The following KLHL6 variants were observed in gnomAD, a reference collection of about 807,000 sequenced individuals.
The protein encoded by KLHL6 is kelch like family member 6.
KLHL6 carries 41 observed loss-of-function variants against 58.6 expected under a neutral mutation model. The ratio of observed to expected loss-of-function variants is 0.70; its 90% CI spans 0.55 to 0.91. KLHL6 has a LOEUF of 0.91. KLHL6 is among the 40% of genes least tolerant of loss of function. The probability of loss-of-function intolerance (pLI) is 0.00; values close to 1 mark genes in which losing one functional copy is unlikely to be tolerated. For synonymous variants in KLHL6, 338 were observed against 322.7 expected (o/e 1.05, Z -0.51); for missense variants, 714 against 805.6 (o/e 0.89, Z 1.38).
chr3:183,510,601 G>A (rs533831283), intron 2 of KLHL6, among the ~76,000 whole-genome samples: 34 of 152,164 alleles, frequency 2.2e-4, no homozygotes, highest in African/African-American at 6.3e-4. Context: ...TAGGCCGGGC[G>A]CGGTGGCTCA....
At chr3:183,500,303 G>A (rs1241621425) in intron 3 of KLHL6, among the ~76,000 whole-genome samples, 1 of 152,180 alleles carries the variant, frequency 6.6e-6, no homozygotes, top group African/African-American at 2.4e-5. Flanking sequence ...CAGTGACAAC[G>A]TAAGAGCATT....
At chr3:183,532,255 C>T (rs1560106222) in intron 1 of KLHL6, among the ~76,000 whole-genome samples, 1 of 152,198 alleles carries the variant, frequency 6.6e-6, no homozygotes, top group African/African-American at 2.4e-5. Context: ...CGAGGAAAGG[C>T]CATGTGAGGA....
chr3:183,508,022 C>G, intron 3 of KLHL6, 37 bp downstream of exon 3: 2 of 1,571,604 alleles, frequency 1.3e-6, no homozygotes, highest in Non-Finnish European at 1.7e-6. Context: ...CTCCTTACTT[C>G]GCTGGTTAAA....
chr3:183,496,639 G>A (rs1717719668), intron 4 of KLHL6, among the ~76,000 whole-genome samples: 1 of 152,164 alleles, frequency 6.6e-6, no homozygotes, highest in Non-Finnish European at 1.5e-5. Context: ...GATAATACTG[G>A]CCAACATAAT....
At chr3:183,525,933 C>A (rs974429927) in intron 2 of KLHL6, among the ~76,000 whole-genome samples, 1 of 152,234 alleles carries the variant, frequency 6.6e-6, no homozygotes, top group African/African-American at 2.4e-5. Context: ...AACAGCAGGA[C>A]ACTGCAAACA....
Position 183,508,293 on chromosome 3 carries a change from A to G in KLHL6, c.675T>C (p.Asp225=). Residue 225 remains aspartate (D), a synonymous_variant, in exon 3 of 7, where the codon GAT becomes GAC. Transcript: ENST00000341319. ...GAGCCTCCTCGGTCACGTAAAGGTC[A>G]TCACTCTTCAAGATGTGGTGCAGAG... ...VDTLHHILKS[D]DLYVTEEAQV... 1 of 1,614,260 alleles carries G rather than the reference A, an allele frequency of 6.2e-7. No individual in the cohort carries two copies.
At chr3:183,554,247 G>C (rs1713029947) in intron 1 of KLHL6, among the ~76,000 whole-genome samples, 1 of 152,164 alleles carries the variant, frequency 6.6e-6, no homozygotes, top group Admixed American at 6.5e-5. Context: ...CCAGGGACGT[G>C]CTCATGGGAA....
At chr3:183,548,397 A>C (rs1056229099) in intron 1 of KLHL6, among the ~76,000 whole-genome samples, 3 of 152,108 alleles carry the variant, frequency 2.0e-5, no homozygotes, top group Admixed American at 1.3e-4. Context: ...CCCTTCCTTC[A>C]TGCATAGAAA....
Position 183,499,954 on chromosome 3 carries a change from C to T in KLHL6, c.910-127G>A, listed in dbSNP as rs970161569. ...GGTATGACCATGTGACTTCACCTCC[C>T]TGAGCCTCAGTTTCATCATCTGTAT... On this transcript the variant is annotated intron_variant, in intron 3 of 6. Transcript: ENST00000341319. The surrounding 1 kb of genome is among the most constrained non-coding windows in gnomAD (Gnocchi z 4.6). 6.7e-5 allele frequency: 42 copies of T among 623,578 alleles called. 2 individuals are homozygous for T. The South Asian group carries it at 8.8e-4, about 13-fold the overall frequency. 38.6% of individuals were successfully genotyped at this position (623,578 alleles called of 1,614,324 possible).
At chr3:183,508,008 C>G in intron 3 of KLHL6, 51 bp downstream of exon 3, 1 of 1,528,082 alleles carries the variant, frequency 6.5e-7, no homozygotes, top group Non-Finnish European at 8.9e-7. Context: ...GAGCCCCTAG[C>G]TAACTCCTTA....
rs1245133488 is a variant in KLHL6 at position 183,489,341 on chromosome 3, G to A, written c.*2586C>T. 6.6e-6 allele frequency: 1 copy of A among 151,706 alleles called. No homozygotes were observed. Among genetic ancestry groups the A allele is most frequent in the Non-Finnish European group, 1.5e-5 (1 of 68,034 alleles). The allele number at this position is 151,706 out of a possible 1,614,324, so 9.4% of individuals were successfully genotyped here. A position where few individuals can be genotyped will look rare whatever the true frequency, so the allele number is the denominator to read the frequency against. ...CAAAGAGACAAACATGTAAGCCATG[G>A]CCACTGGTTGACTTCACTGCACAGC... On this transcript the variant is annotated 3_prime_UTR_variant, in exon 7 of 7. Transcript: ENST00000341319.
chr3:183,553,821 A>G (rs1713014583), intron 1 of KLHL6, among the ~76,000 whole-genome samples: 1 of 152,144 alleles, frequency 6.6e-6, no homozygotes, highest in Non-Finnish European at 1.5e-5. Flanking sequence ...CAAAAATAAA[A>G]TCAGATAACT....
rs200511957 is a variant in KLHL6, at chr3:183,516,948, C to G, written c.460-8440G>C. ...TTTTTGAGACAGAGTCTCATGCTGT[C>G]ACCCAGGCTGGAGTGCATGGTGTGA... is the stretch of plus-strand genomic sequence containing the variant. On this transcript the variant is annotated intron_variant, in intron 2 of 6. Coordinates refer to ENST00000341319, the MANE Select transcript of KLHL6 (RefSeq NM_130446.4). 4.5e-4 allele frequency among the ~76,000 whole-genome samples: 69 copies of G among 152,322 alleles called. 1 individual carries two copies. In the East Asian group the frequency reaches 0.011, roughly 24 times the overall value.
intron 2 of KLHL6, among the ~76,000 whole-genome samples, chr3:183,514,487 G>A (rs990882332): frequency 2.0e-5 from 3 of 151,484 alleles, no homozygotes; most frequent in African/African-American, 7.3e-5. Flanking sequence ...ATGATCCTAC[G>A]CGCCTCACCC....
At chr3:183,547,301 G>A (rs1459978198) in intron 1 of KLHL6, among the ~76,000 whole-genome samples, 2 of 152,162 alleles carry the variant, frequency 1.3e-5, no homozygotes, top group African/African-American at 4.8e-5. Flanking sequence ...CGCTGGAGGT[G>A]CTATATAACA....
At chr3:183,538,202 A>G (rs950212310) in intron 1 of KLHL6, among the ~76,000 whole-genome samples, 9 of 152,210 alleles carry the variant, frequency 5.9e-5, no homozygotes, top group African/African-American at 2.2e-4. Flanking sequence ...AATGAGCTCT[A>G]CAAGCTCCTG....
At chr3:183,538,764 A>T (rs2108691734) in intron 1 of KLHL6, among the ~76,000 whole-genome samples, 1 of 152,290 alleles carries the variant, frequency 6.6e-6, no homozygotes, top group Non-Finnish European at 1.5e-5. Flanking sequence ...AAGGCACCAA[A>T]ACCTGAGCCA....
chr3:183,514,350 T>G (rs975362372), intron 2 of KLHL6, among the ~76,000 whole-genome samples: 2 of 152,050 alleles, frequency 1.3e-5, no homozygotes, highest in African/African-American at 4.8e-5. Context: ...CTTTCAGAAC[T>G]CTAGCCACAA....
chr3:183,528,232 G>C (rs1263198173), intron 1 of KLHL6, among the ~76,000 whole-genome samples: 2 of 152,144 alleles, frequency 1.3e-5, no homozygotes, highest in Non-Finnish European at 2.9e-5. Flanking sequence ...GCCCGATTGT[G>C]ATCTCCAAAG....
Sources: gnomAD v4.1 joint callset for allele counts (sites outside exome capture counted in the v4.1 genomes callset) on GRCh38, gnomAD v4.1.1 for gene constraint, Gnocchi (gnomAD v3.1) non-coding constraint, MANE v1.5 for transcripts, NCBI Gene and HGNC (gene_info 2026-07-23, HGNC 2026-07-21) for gene names.